The following TM6SF2 variants were observed in gnomAD, a reference collection of about 807,000 sequenced individuals.
TM6SF2 encodes transmembrane 6 superfamily member 2.
In TM6SF2, 29 loss-of-function variants were observed where a neutral mutation model predicts 41.0. The observed-to-expected ratio is 0.71, with a 90% CI of 0.53 to 0.96. The LOEUF (loss-of-function observed/expected upper bound fraction) is 0.96. Among genes scored for constraint, TM6SF2 ranks in the 50% least tolerant of loss-of-function variants. The pLI, the probability that TM6SF2 is intolerant of heterozygous loss-of-function variation, is 0.00. For synonymous variants in TM6SF2, 200 were observed against 209.1 expected (o/e 0.96, Z 0.37); for missense variants, 475 against 499.0 (o/e 0.95, Z 0.46).
intron 1 of TM6SF2, 62 bp downstream of exon 1, chr19:19,273,059 C>CCAAG: frequency 1.7e-5 from 7 of 411,632 alleles, no homozygotes; most frequent in East Asian, 5.0e-5. Context: ...CACCTCCAGT[C>CCAAG]CTCCCCGCCC....
At position 19,265,441 on chromosome 19, in the gene TM6SF2, T is replaced by C. The variant is rs1428999701; in HGVS notation, c.925-568A>G. The stretch of plus-strand genomic sequence containing the variant: ...ATCTATCTATCTATCTATTTAGAGA[T>C]AGGGTCTTGCTCTGTTGGCCAGGCT... On this transcript the variant is annotated intron_variant, in intron 9 of 9. Coordinates refer to ENST00000389363, the MANE Select transcript of TM6SF2 (RefSeq NM_001001524.3). Among the ~76,000 whole-genome samples, 3 of 151,434 alleles carry C rather than the reference T, an allele frequency of 2.0e-5. No homozygotes were observed. The East Asian group carries it at 5.9e-4, about 30-fold the overall frequency.
intron 5 of TM6SF2, 147 bp downstream of exon 5, chr19:19,269,540 G>T: frequency 2.1e-6 from 2 of 947,890 alleles, no homozygotes; most frequent in Non-Finnish European, 3.2e-6. Flanking sequence ...GGGGTGGGCT[G>T]CTGACTGAGG....
intron 7 of TM6SF2, 31 bp from the exon 8 acceptor site, chr19:19,267,744 A>C (rs2061008420): frequency 1.2e-6 from 2 of 1,600,792 alleles, no homozygotes; most frequent in South Asian, 2.2e-5. Flanking sequence ...AAGAACCCTC[A>C]GACATACCTC....
Position 19,270,413 on chromosome 19 carries a change from C to A in TM6SF2, c.229G>T (p.Val77Leu), listed in dbSNP as rs200174137. 2 of 1,613,680 alleles carry A rather than the reference C, an allele frequency of 1.2e-6. No individual in the cohort carries two copies. Among genetic ancestry groups the A allele is most frequent in the Non-Finnish European group, 1.7e-6 (2 of 1,179,956 alleles). ...TCCTGAAGAGCGATGATGAGGTCCA[C>A]AACCGAGGTGAAGGCGAAGACAGCG... ...VFAVFAFTSV[V>L]DLIIALQEDS... The change falls in exon 3 of 10, where the codon GTG (valine) becomes TTG (leucine). Residue 77 changes from valine (V) to leucine (L), a missense_variant. Around this residue, in one of 3 missense-constraint regions of TM6SF2, gnomAD observed 238 missense variants for 228.6 expected, o/e 1.04. Transcript: ENST00000389363.
At chr19:19,269,212 A>C (rs933669421) in intron 5 of TM6SF2, among the ~76,000 whole-genome samples, 3 of 152,160 alleles carry the variant, frequency 2.0e-5, no homozygotes, top group African/African-American at 7.2e-5. Context: ...GATGATGTCC[A>C]TACTCCTTAG....
rs1340305109 is a variant in TM6SF2 at position 19,267,610 on chromosome 19, T to C, written c.804+11A>G. ...GGCAGGGGTGTGGTCTTCTCCCCGCTCCCCTCTCACCTGCACCTTAGGGTA... is the reference window on the plus strand; with the variant it reads ...GGCAGGGGTGTGGTCTTCTCCCCGCCCCCCTCTCACCTGCACCTTAGGGTA... On this transcript the variant is annotated intron_variant, in intron 8 of 9. Transcript: ENST00000389363. 6.2e-7 allele frequency: 1 copy of C among 1,607,030 alleles called. No homozygotes were observed. Among genetic ancestry groups the C allele is most frequent in the African/African-American group, 1.3e-5 (1 of 74,628 alleles).
rs1206528577 is a variant in TM6SF2 at position 19,270,922 on chromosome 19, C to T, written c.199+100G>A. On this transcript the variant is annotated intron_variant, in intron 2 of 9. Coordinates refer to ENST00000389363, the MANE Select transcript of TM6SF2 (RefSeq NM_001001524.3). ...CAGTCTGATGGGAGCTCTTAAAGGGCCCCCAGTCTGATGGAGGAGGCCCCT... is the reference window on the plus strand; with the variant it reads ...CAGTCTGATGGGAGCTCTTAAAGGGTCCCCAGTCTGATGGAGGAGGCCCCT... 9 of 961,060 alleles carry T rather than the reference C, an allele frequency of 9.4e-6. No individual in the cohort carries two copies. In the Admixed American group the frequency reaches 1.4e-4, roughly 15 times the overall value. The allele number at this position is 961,060 out of a possible 1,614,324, so 59.5% of individuals were successfully genotyped here.
At position 19,273,061 on chromosome 19, in the gene TM6SF2, T is replaced by TGCCCCCCCCCCCCCC; in HGVS notation, c.95+59_95+60insGGGGGGGGGGGGGGC. The TGCCCCCCCCCCCCCC allele has an allele frequency of 3.3e-5, 10 of 305,464 alleles. 1 individual carries two copies. Among genetic ancestry groups the TGCCCCCCCCCCCCCC allele is most frequent in the East Asian group, 8.6e-5 (1 of 11,590 alleles). 18.9% of individuals were successfully genotyped at this position (305,464 alleles called of 1,614,324 possible). On this transcript the variant is annotated intron_variant, in intron 1 of 9. Transcript: ENST00000389363. The stretch of plus-strand genomic sequence containing the variant: ...CCTCCCTCCAGCCCACCTCCAGTCC[T>TGCCCCCCCCCCCCCC]CCCCGCCCCCGCCCGCCCCCACTGT...
Position 19,264,520 on chromosome 19 carries a change from A to T in TM6SF2, c.*144T>A. 3.2e-6 allele frequency: 2 copies of T among 629,082 alleles called. No homozygotes were observed. Among genetic ancestry groups the T allele is most frequent in the Non-Finnish European group, 4.7e-6 (2 of 421,772 alleles). 39.0% of individuals were successfully genotyped at this position (629,082 alleles called of 1,614,324 possible). On this transcript the variant is annotated 3_prime_UTR_variant, in exon 10 of 10. Transcript: ENST00000389363. Reference sequence around the variant, plus strand: ...ACACTTGGTCGTTGGTCTCCATCCCACCCACTGGACTGAAACTACCATAGC... The same window carrying T: ...ACACTTGGTCGTTGGTCTCCATCCCTCCCACTGGACTGAAACTACCATAGC...
chr19:19,268,489 T>G, intron 6 of TM6SF2, 141 bp downstream of exon 6: 4 of 1,287,220 alleles, frequency 3.1e-6, no homozygotes, highest in Non-Finnish European at 4.1e-6. Context: ...ATTACAGGCA[T>G]GAGCCACCGC....
chr19:19,272,079 A>G (rs964185666), intron 1 of TM6SF2, among the ~76,000 whole-genome samples: 7 of 152,170 alleles, frequency 4.6e-5, no homozygotes, highest in Non-Finnish European at 1.0e-4. Context: ...AGACAGGTCA[A>G]CCAGTTGCAT....
chr19:19,270,275 C>T lies in TM6SF2; in HGVS notation c.299G>A (p.Gly100Glu), dbSNP rs1243862899. ...VGFMEFYTKE[G>E]EPYLRTAHGV... ...GTGCGCTGTGCGCAGGTATGGCTCTCCCTGTGGGGGCAGGTGGGAGACTCA... is the reference window on the plus strand; with the variant it reads ...GTGCGCTGTGCGCAGGTATGGCTCTTCCTGTGGGGGCAGGTGGGAGACTCA... The change falls in exon 4 of 10, where the codon GGA becomes GAA. Residue 100 changes from glycine to glutamate, a missense_variant and splice_region_variant. Transcript: ENST00000389363. The T allele has an allele frequency of 2.5e-6, 4 of 1,614,226 alleles. No homozygotes were observed. Among genetic ancestry groups the T allele is most frequent in the Non-Finnish European group, 3.4e-6 (4 of 1,180,040 alleles).
chr19:19,270,353 T>C lies in TM6SF2; in HGVS notation c.289A>G (p.Thr97Ala), dbSNP rs1451660485. The change falls in exon 3 of 10, where the codon ACC (threonine) becomes GCC (alanine). Residue 97 changes from threonine to alanine, a missense_variant. Transcript: ENST00000389363. Reference sequence around the variant, plus strand: ...GGTCGTCCCCCAAGTACCTCCTTGGTGTAGAACTCCATGAAGCCCACCACA... The same window carrying C: ...GGTCGTCCCCCAAGTACCTCCTTGGCGTAGAACTCCATGAAGCCCACCACA... ...SYVVGFMEFY[T>A]KEGEPYLRTA... 1 of 1,613,978 alleles carries C rather than the reference T, an allele frequency of 6.2e-7. No individual in the cohort carries two copies. The highest frequency in any genetic ancestry group is 8.5e-7 in the Non-Finnish European group (1 of 1,180,004).
Position 19,273,267 on chromosome 19 carries a change from C to G in TM6SF2, c.-52G>C. On this transcript the variant is annotated 5_prime_UTR_variant, in exon 1 of 10. Transcript: ENST00000389363. Reference sequence around the variant, plus strand: ...GCCCCGACGCGTTCTCCAGGGCGCTCGGCTCCTCGTTGGCGGCGAGTCCGG... The same window carrying G: ...GCCCCGACGCGTTCTCCAGGGCGCTGGGCTCCTCGTTGGCGGCGAGTCCGG... 2.3e-6 allele frequency: 3 copies of G among 1,277,726 alleles called. No individual in the cohort carries two copies. Among genetic ancestry groups the G allele is most frequent in the Non-Finnish European group, 3.0e-6 (3 of 999,962 alleles). 79.1% of individuals were successfully genotyped at this position (1,277,726 alleles called of 1,614,324 possible). A position where few individuals can be genotyped will look rare whatever the true frequency, so the allele number is the denominator to read the frequency against.
chr19:19,270,923 C>T (rs149250975), intron 2 of TM6SF2, 99 bp downstream of exon 2: 8 of 973,282 alleles, frequency 8.2e-6, no homozygotes, highest in South Asian at 7.8e-5. Flanking sequence ...CTTAAAGGGC[C>T]CCCAGTCTGA....
chr19:19,272,694 T>G (rs1000474557), intron 1 of TM6SF2, among the ~76,000 whole-genome samples: 3 of 119,088 alleles, frequency 2.5e-5, no homozygotes, highest in Non-Finnish European at 4.8e-5. Flanking sequence ...TGGAGTAGGG[T>G]GTGTGTGTGT....
At position 19,267,521 on chromosome 19, in the gene TM6SF2, T is replaced by G. The variant is rs2061007449; in HGVS notation, c.804+100A>C. 3 of 847,664 alleles carry G rather than the reference T, an allele frequency of 3.5e-6. No individual in the cohort carries two copies. In the East Asian group the frequency reaches 8.1e-5, roughly 23 times the overall value. The allele number at this position is 847,664 out of a possible 1,614,324, so 52.5% of individuals were successfully genotyped here. ...GTAGGACAGTAAATTCCATATGGGC[T>G]TCTGCCTGTTTGAGTTGTGCTTCTG... is the stretch of plus-strand genomic sequence containing the variant. On this transcript the variant is annotated intron_variant, in intron 8 of 9. Transcript: ENST00000389363.
At chr19:19,269,983 C>T in intron 4 of TM6SF2, 190 bp downstream of exon 4, 1 of 1,482,502 alleles carries the variant, frequency 6.7e-7, no homozygotes, top group African/African-American at 1.4e-5. Context: ...TGGATGTAAG[C>T]AATGCTAGGC....
Position 19,264,774 on chromosome 19 carries a change from G to T in TM6SF2, c.1024C>A (p.Leu342Met), listed in dbSNP as rs188787025. The change falls in exon 10 of 10, where the codon CTG becomes ATG. Residue 342 changes from leucine (L) to methionine (M), a missense_variant. Physicochemically the swap from Leu to Met is conservative, Grantham distance 15. Coordinates refer to ENST00000389363, the MANE Select transcript of TM6SF2 (RefSeq NM_001001524.3). Reference protein sequence around the residue: ...TWGCFFVCNLLYALGPHLLAY... With the variant: ...TWGCFFVCNLMYALGPHLLAY... ...AGCAGGTGGGGGCCCAGCGCATACAGCAGATTGCACACGAAGAAGCAGCCC... is the reference window on the plus strand; with the variant it reads ...AGCAGGTGGGGGCCCAGCGCATACATCAGATTGCACACGAAGAAGCAGCCC... The T allele has an allele frequency of 1.7e-3, 2,764 of 1,611,006 alleles. 4 individuals are homozygous for T. The highest frequency in any genetic ancestry group is 2.1e-3 in the Non-Finnish European group (2,515 of 1,178,744).
Sources: allele counts gnomAD v4.1 joint callset (sites outside exome capture counted in the v4.1 genomes callset), GRCh38; gene constraint gnomAD v4.1.1; regional missense constraint gnomAD v4.1.1; transcripts MANE v1.5; gene names NCBI Gene and HGNC (gene_info 2026-07-23, HGNC 2026-07-21).